PRIMPOL: variants seen among roughly 807,000 people sequenced by gnomAD.
The protein encoded by PRIMPOL is DNA-directed primase/polymerase protein.
PRIMPOL carries 54 observed loss-of-function variants against 63.6 expected under a neutral mutation model. The ratio of observed to expected loss-of-function variants is 0.85; its 90% CI spans 0.68 to 1.07. PRIMPOL has a LOEUF of 1.07. PRIMPOL is among the 50% of genes least tolerant of loss of function. The pLI is 0.00. For missense variants in PRIMPOL, 610 were observed against 648.3 expected (o/e 0.94, Z 0.64); for synonymous variants, 197 against 220.2 (o/e 0.89, Z 0.93).
At chr4:184,652,820 G>A in intron 2 of PRIMPOL, among the ~76,000 whole-genome samples, 1 of 151,504 alleles carries the variant, frequency 6.6e-6, no homozygotes, top group Non-Finnish European at 1.5e-5. Context: ...TGGAGTTGGG[G>A]AATAGGAATT....
chr4:184,654,992 T>C (rs1183845126), intron 2 of PRIMPOL, among the ~76,000 whole-genome samples: 1 of 152,040 alleles, frequency 6.6e-6, no homozygotes, highest in East Asian at 1.9e-4. Flanking sequence ...AACAAGGTCA[T>C]GATGTACTAT....
chr4:184,691,837 G>A (rs1172917704), intron 13 of PRIMPOL, 125 bp downstream of exon 13: 8 of 663,566 alleles, frequency 1.2e-5, no homozygotes, highest in Non-Finnish European at 1.8e-5. Flanking sequence ...ACTTATGACT[G>A]TATTATAGGA....
intron 13 of PRIMPOL, among the ~76,000 whole-genome samples, chr4:184,693,616 T>C (rs1759608528): frequency 6.6e-6 from 1 of 152,208 alleles, no homozygotes; most frequent in South Asian, 2.1e-4. Context: ...CATTGGTCAC[T>C]TGATTTTAAA....
chr4:184,682,798 C>G (rs1014172976), intron 9 of PRIMPOL, among the ~76,000 whole-genome samples: 6 of 152,154 alleles, frequency 3.9e-5, no homozygotes, highest in African/African-American at 1.4e-4. Context: ...ACCTGTAATT[C>G]CAGCACTTTG....
At position 184,665,948 on chromosome 4, in the gene PRIMPOL, G is replaced by T. The variant is rs191103203; in HGVS notation, c.440G>T (p.Gly147Val). ...TGTAAAGCACTTCAAGAGTTATACG[G>T]TGTTAATTGCTCAGCTGAAGATGTT... ...YVCKALQELY[G>V]VNCSAEDVLN... The change falls in exon 6 of 14, where the codon GGT becomes GTT. Residue 147 changes from glycine to valine, a missense_variant. Around this residue, in one of 3 missense-constraint regions of PRIMPOL, gnomAD observed 159 missense variants for 168.9 expected, o/e 0.94. Coordinates refer to ENST00000314970, the MANE Select transcript of PRIMPOL (RefSeq NM_152683.4). 6.2e-7 allele frequency: 1 copy of T among 1,607,796 alleles called. No individual in the cohort carries two copies. The highest frequency in any genetic ancestry group is 1.7e-5 in the Admixed American group (1 of 59,250).
At chr4:184,669,730 A>C (rs1448000846) in intron 6 of PRIMPOL, among the ~76,000 whole-genome samples, 7 of 152,206 alleles carry the variant, frequency 4.6e-5, no homozygotes, top group Admixed American at 4.6e-4. Flanking sequence ...TATAGAGATA[A>C]GAGTGCGTGG....
At chr4:184,688,984 T>TA (rs999252136) in intron 11 of PRIMPOL, among the ~76,000 whole-genome samples, 33 of 145,566 alleles carry the variant, frequency 2.3e-4, no homozygotes, top group East Asian at 2.0e-4. Flanking sequence ...ATCCATAAAC[T>TA]AAAAAAAAAA....
Position 184,691,740 on chromosome 4 carries a change from CT to C in PRIMPOL, c.1425+30del, listed in dbSNP as rs1299306630. The C allele has an allele frequency of 3.8e-6, 6 of 1,573,134 alleles. No individual in the cohort carries two copies. The South Asian group carries it at 5.5e-5, about 15-fold the overall frequency. On this transcript the variant is annotated intron_variant, in intron 13 of 13. Coordinates refer to ENST00000314970, the MANE Select transcript of PRIMPOL (RefSeq NM_152683.4). ...AAGTACAGATTTTAGTGTCTTTCTCCTTACCAGGGAGTTCTTGGTACAATAG... is the reference window on the plus strand; with the variant it reads ...AAGTACAGATTTTAGTGTCTTTCTCCTACCAGGGAGTTCTTGGTACAATAG...
chr4:184,662,167 A>G (rs998004), intron 5 of PRIMPOL, among the ~76,000 whole-genome samples: 2,183 of 152,252 alleles, frequency 0.014, 47 homozygotes, highest in African/African-American at 0.048. Context: ...AAAATTTTCT[A>G]TATTTTAAAA....
intron 11 of PRIMPOL, among the ~76,000 whole-genome samples, chr4:184,690,501 C>T (rs1203858716): frequency 6.6e-6 from 1 of 151,994 alleles, no homozygotes; most frequent in Non-Finnish European, 1.5e-5. Flanking sequence ...ACACTGTCAC[C>T]CGGGCTGGAG....
At chr4:184,665,854 T>C (rs185203745) in intron 5 of PRIMPOL, 63 bp from the exon 6 acceptor site, 2 of 1,121,834 alleles carry the variant, frequency 1.8e-6, no homozygotes, top group South Asian at 3.4e-5. Flanking sequence ...GAGATGCTTA[T>C]TGCTTATAGA....
chr4:184,663,102 T>C (rs1442526853), intron 5 of PRIMPOL, among the ~76,000 whole-genome samples: 1 of 151,034 alleles, frequency 6.6e-6, no homozygotes, highest in Non-Finnish European at 1.5e-5. Flanking sequence ...TGGAGTGCAG[T>C]GGTGTGATCT....
intron 2 of PRIMPOL, among the ~76,000 whole-genome samples, chr4:184,652,718 C>G (rs1055401720): frequency 7.2e-5 from 11 of 151,930 alleles, no homozygotes; most frequent in Admixed American, 2.6e-4. Flanking sequence ...AAAATATTGT[C>G]AAATACCAGG....
In PRIMPOL at chr4:184,657,232, G is replaced by C. The variant is rs1746710440; in HGVS notation, c.92G>C (p.Arg31Thr). ...RKPLSSVYRP[R>T]LSKPEEPPSI... is the part of the protein sequence containing the mutation. The stretch of plus-strand genomic sequence containing the variant: ...CCGTTGTCCTCAGTGTATAGACCAA[G>C]ATTGTCCAAGCCAGAAGAACCACCC... The change falls in exon 3 of 14, where the codon AGA becomes ACA. Residue 31 changes from arginine (R) to threonine (T), a missense_variant. Transcript: ENST00000314970. The C allele has an allele frequency of 1.9e-6, 3 of 1,613,856 alleles. No individual in the cohort carries two copies. Among genetic ancestry groups the C allele is most frequent in the Middle Eastern group, 1.6e-4 (1 of 6,080 alleles).
chr4:184,657,206 A>T lies in PRIMPOL; in HGVS notation c.66A>T (p.Lys22Asn). The T allele has an allele frequency of 6.2e-7, 1 of 1,613,142 alleles. No homozygotes were observed. The highest frequency in any genetic ancestry group is 8.5e-7 in the Non-Finnish European group (1 of 1,179,632). ...AACGAGCATCTCATTATGAGAGGAA[A>T]CCGTTGTCCTCAGTGTATAGACCAA... ...IEERASHYER[K>N]PLSSVYRPRL... Residue 22 changes from lysine (K) to asparagine (N), a missense_variant, in exon 3 of 14, where the codon AAA becomes AAT. Lys to Asn is a moderately conservative substitution (Grantham distance 94). Coordinates refer to ENST00000314970, the MANE Select transcript of PRIMPOL (RefSeq NM_152683.4).
At chr4:184,676,365 TTTCCCTTCCCTTCCCTTCCTTTCCC>T (rs1561023723) in intron 7 of PRIMPOL, among the ~76,000 whole-genome samples, 3 of 38,232 alleles carry the variant, frequency 7.8e-5, no homozygotes, top group African/African-American at 3.8e-4. Context: ...TCCCTTCTCC[TTTCCCTTCCCTTCCCTTCCTTTCCC>T]TTCCCTTCCC....
intron 13 of PRIMPOL, among the ~76,000 whole-genome samples, chr4:184,692,490 A>AAGAAAG (rs1331294893): frequency 1.3e-5 from 2 of 149,560 alleles, no homozygotes; most frequent in East Asian, 1.9e-4. Flanking sequence ...AAAAAAAAAA[A>AAGAAAG]AAAGAAAGAA....
intron 5 of PRIMPOL, among the ~76,000 whole-genome samples, chr4:184,664,366 T>C (rs113390211): frequency 6.6e-6 from 1 of 152,344 alleles, no homozygotes; most frequent in Non-Finnish European, 1.5e-5. Flanking sequence ...TGTAGTCTAA[T>C]GGAGGATAAT....
At chr4:184,687,742 G>A (rs999910405) in intron 11 of PRIMPOL, among the ~76,000 whole-genome samples, 1 of 152,142 alleles carries the variant, frequency 6.6e-6, no homozygotes, top group African/African-American at 2.4e-5. Flanking sequence ...AGCCTCCCGA[G>A]TAGCTGGGAT....
Sources: allele counts gnomAD v4.1 joint callset (sites outside exome capture counted in the v4.1 genomes callset), GRCh38; gene constraint gnomAD v4.1.1; regional missense constraint gnomAD v4.1.1; transcripts MANE v1.5; gene names NCBI Gene and HGNC (gene_info 2026-07-23, HGNC 2026-07-21).